Variants in SLCO3A1 observed in about 807,000 individuals in gnomAD.
SLCO3A1 encodes PGE1 transporter.
In SLCO3A1, 27 loss-of-function variants were observed where a neutral mutation model predicts 63.1. The ratio of observed to expected loss-of-function variants is 0.43; its 90% confidence interval spans 0.32 to 0.59. The LOEUF (loss-of-function observed/expected upper bound fraction) is 0.59, where lower values mean the gene tolerates loss of function less well. Ranked by LOEUF, SLCO3A1 falls within the 20% of genes least tolerant of loss-of-function variation. The pLI, the probability that SLCO3A1 is intolerant of heterozygous loss-of-function variation, is 0.09. For synonymous variants in SLCO3A1, 473 were observed against 409.9 expected (o/e 1.15, Z -1.86); for missense variants, 773 against 945.8 (o/e 0.82, Z 2.40).
At chr15:92,122,504 G>A (rs1021666808) in intron 5 of SLCO3A1, among the ~76,000 whole-genome samples, 2 of 152,242 alleles carry the variant, frequency 1.3e-5, no homozygotes, top group Admixed American at 6.5e-5. Flanking sequence ...ATAGAACCAA[G>A]TGTTGGGGAG....
chr15:91,984,235 C>T (rs1443227915), intron 2 of SLCO3A1, among the ~76,000 whole-genome samples: 1 of 152,202 alleles, frequency 6.6e-6, no homozygotes, highest in Non-Finnish European at 1.5e-5. Flanking sequence ...AGTGCGATGA[C>T]ATAAATCCTC....
At chr15:92,090,321 C>G (rs2047456368) in intron 2 of SLCO3A1, among the ~76,000 whole-genome samples, 1 of 152,190 alleles carries the variant, frequency 6.6e-6, no homozygotes, top group Non-Finnish European at 1.5e-5. Flanking sequence ...CTTAGAAACT[C>G]AAGATATTCT....
chr15:91,934,261 G>C (rs1376118891), intron 2 of SLCO3A1, among the ~76,000 whole-genome samples: 1 of 152,140 alleles, frequency 6.6e-6, no homozygotes, highest in African/African-American at 2.4e-5. Flanking sequence ...CTACTTTGAC[G>C]TCAAGCAGTA....
intron 2 of SLCO3A1, among the ~76,000 whole-genome samples, chr15:91,986,320 G>A (rs570923774): frequency 1.3e-5 from 2 of 152,138 alleles, no homozygotes; most frequent in South Asian, 2.1e-4. Flanking sequence ...ATGGGATTCC[G>A]GGGAGATAAG....
intron 2 of SLCO3A1, among the ~76,000 whole-genome samples, chr15:92,027,095 A>C (rs1403680639): frequency 1.9e-5 from 1 of 51,420 alleles, no homozygotes; most frequent in Admixed American, 2.4e-4. Flanking sequence ...GTCTCCAAAA[A>C]AAAAAAAAAA....
intron 2 of SLCO3A1, among the ~76,000 whole-genome samples, chr15:92,082,044 T>C (rs1041109042): frequency 1.3e-5 from 2 of 152,208 alleles, no homozygotes; most frequent in Admixed American, 6.5e-5. Context: ...GTGATGGAGA[T>C]AATTCTATTA....
intron 2 of SLCO3A1, among the ~76,000 whole-genome samples, chr15:91,920,335 G>A (rs539227966): frequency 5.9e-5 from 9 of 152,302 alleles, no homozygotes; most frequent in Non-Finnish European, 1.0e-4. Flanking sequence ...GAGACAGCCC[G>A]AAGCCTCCTG....
intron 2 of SLCO3A1, among the ~76,000 whole-genome samples, chr15:91,991,793 C>T (rs570340181): frequency 6.6e-5 from 10 of 152,302 alleles, no homozygotes; most frequent in South Asian, 2.1e-4. Flanking sequence ...TGCTGTCCCG[C>T]GCAGCCCAGC....
chr15:92,152,082 G>A (rs1156487788), intron 9 of SLCO3A1, among the ~76,000 whole-genome samples: 3 of 152,146 alleles, frequency 2.0e-5, no homozygotes, highest in Non-Finnish European at 4.4e-5. Context: ...AATAACTTTT[G>A]CAATATTTTT....
Position 91,865,796 on chromosome 15 carries a change from C to A in SLCO3A1, c.180+11708C>A, listed in dbSNP as rs571078397. Among the ~76,000 whole-genome samples, 1 of 152,344 alleles carries A rather than the reference C, an allele frequency of 6.6e-6. No homozygotes were observed. The highest frequency in any genetic ancestry group is 2.1e-4 in the South Asian group (1 of 4,830). On this transcript the variant is annotated intron_variant, in intron 1 of 9. Transcript: ENST00000318445. This position sits in a 1 kb window ranked among gnomAD's most constrained non-coding sequence, Gnocchi z 4.6. ...CTAAGTCCTCGTTTCCAAATTAGGT[C>A]ACATTCACAGGCACTAAGAGTTAGG...
intron 2 of SLCO3A1, among the ~76,000 whole-genome samples, chr15:91,976,576 G>A (rs1024273026): frequency 6.6e-6 from 1 of 152,048 alleles, no homozygotes; most frequent in African/African-American, 2.4e-5. Context: ...CAACTCTATC[G>A]GGGAATCCAC....
chr15:91,972,423 G>A (rs1483302964), intron 2 of SLCO3A1, among the ~76,000 whole-genome samples: 9 of 152,084 alleles, frequency 5.9e-5, no homozygotes, highest in African/African-American at 1.9e-4. Flanking sequence ...GAGGTGCCTC[G>A]CCCTCTCCAT....
intron 2 of SLCO3A1, among the ~76,000 whole-genome samples, chr15:92,085,712 G>T (rs1209212300): frequency 6.6e-6 from 1 of 152,160 alleles, no homozygotes; most frequent in East Asian, 1.9e-4. Flanking sequence ...TACCCATGAA[G>T]TCTATAAACA....
At chr15:92,169,291 C>A (rs2048509128), downstream of SLCO3A1, among the ~76,000 whole-genome samples, 1 of 152,188 alleles carries the variant, frequency 6.6e-6, no homozygotes, top group South Asian at 2.1e-4. Flanking sequence ...GCTTTTAGGT[C>A]TTTAAAAGCT....
chr15:91,912,504 A>G lies in SLCO3A1; in HGVS notation c.181-3489A>G, dbSNP rs540132135. On this transcript the variant is annotated intron_variant, in intron 1 of 9. Transcript: ENST00000318445. The surrounding 1 kb of genome is among the most constrained non-coding windows in gnomAD (Gnocchi z 5.0). ...GCGTTATCTGTCTCTAAAAGAACTGATTATTTTTTGTTTTGCCCACAGCTG... is the reference window on the plus strand; with the variant it reads ...GCGTTATCTGTCTCTAAAAGAACTGGTTATTTTTTGTTTTGCCCACAGCTG... Among the ~76,000 whole-genome samples the G allele has an allele frequency of 6.6e-6, 1 of 152,248 alleles. No homozygotes were observed. Among genetic ancestry groups the G allele is most frequent in the South Asian group, 2.1e-4 (1 of 4,828 alleles).
chr15:92,038,482 T>C (rs1321131139), intron 2 of SLCO3A1, among the ~76,000 whole-genome samples: 1 of 152,144 alleles, frequency 6.6e-6, no homozygotes, highest in Non-Finnish European at 1.5e-5. Flanking sequence ...AGCCAAATCA[T>C]GAATGAACTC....
At chr15:91,955,911 T>TA (rs1389620534) in intron 2 of SLCO3A1, among the ~76,000 whole-genome samples, 1 of 152,190 alleles carries the variant, frequency 6.6e-6, no homozygotes, top group African/African-American at 2.4e-5. Flanking sequence ...AGACAGGTTC[T>TA]AAAACCATCC....
chr15:91,879,470 G>A lies in SLCO3A1; in HGVS notation c.180+25382G>A, dbSNP rs146680834. ...AATTTATATGACACTTGGGAGAAATGATGAGTATGCTTAAGAGAATGGTGT... is the reference window on the plus strand; with the variant it reads ...AATTTATATGACACTTGGGAGAAATAATGAGTATGCTTAAGAGAATGGTGT... On this transcript the variant is annotated intron_variant, in intron 1 of 9. Coordinates refer to ENST00000318445, the MANE Select transcript of SLCO3A1 (RefSeq NM_013272.4). Among the ~76,000 whole-genome samples the A allele has an allele frequency of 5.3e-5, 8 of 152,230 alleles. No individual in the cohort carries two copies. In the East Asian group the frequency reaches 1.5e-3, roughly 29 times the overall value.
intron 2 of SLCO3A1, among the ~76,000 whole-genome samples, chr15:92,012,600 G>GT (rs2046380919): frequency 6.6e-6 from 1 of 152,106 alleles, no homozygotes; most frequent in Non-Finnish European, 1.5e-5. Context: ...GAAGAACCTT[G>GT]TACAGGTACA....
Sources: allele counts gnomAD v4.1 joint callset (sites outside exome capture counted in the v4.1 genomes callset), GRCh38; gene constraint gnomAD v4.1.1; non-coding constraint Gnocchi (gnomAD v3.1); transcripts MANE v1.5; gene names NCBI Gene and HGNC (gene_info 2026-07-23, HGNC 2026-07-21).